PDZD9: variants seen among roughly 807,000 people sequenced by gnomAD.
PDZD9 encodes PDZ domain containing 9.
A neutral mutation model predicts 16.3 loss-of-function variants in PDZD9; 13 were observed. That is an observed-to-expected ratio of 0.80 (90% confidence interval 0.52 to 1.27). The LOEUF (loss-of-function observed/expected upper bound fraction) is 1.27. PDZD9 is among the 50% of genes most tolerant of loss of function. The pLI is 0.00. For missense variants in PDZD9, 288 were observed against 310.9 expected (o/e 0.93, Z 0.55); for synonymous variants, 120 against 111.0 (o/e 1.08, Z -0.51).
intron 3 of PDZD9, among the ~76,000 whole-genome samples, chr16:21,987,578 C>CA (rs1458841665): frequency 3.9e-5 from 6 of 152,050 alleles, no homozygotes; most frequent in African/African-American, 1.4e-4. Context: ...AGTGTGGTGT[C>CA]ACAGAAGCCT....
the PDZD9 span, among the ~76,000 whole-genome samples, chr16:21,964,620 C>A: frequency 1.3e-5 from 2 of 152,110 alleles, no homozygotes; most frequent in East Asian, 3.8e-4. Flanking sequence ...CAAATGATTT[C>A]CCCTGGGAAA....
At chr16:21,958,120 C>T in the PDZD9 span, among the ~76,000 whole-genome samples, 1 of 151,960 alleles carries the variant, frequency 6.6e-6, no homozygotes, top group Non-Finnish European at 1.5e-5. Flanking sequence ...CAGTACTGTC[C>T]CCTAATGTAA....
At chr16:21,971,592 A>G in the PDZD9 span, 1 of 1,614,190 alleles carries the variant, frequency 6.2e-7, no homozygotes, top group Non-Finnish European at 8.5e-7. Flanking sequence ...GGCTTGGTTT[A>G]TCTGGTGCAA....
Position 21,984,478 on chromosome 16 carries a change from G to A in PDZD9, c.584C>T (p.Thr195Ile), listed in dbSNP as rs765940336. Residue 195 changes from threonine to isoleucine, a missense_variant, in exon 4 of 4, where the codon ACT (threonine) becomes ATT (isoleucine). Thr to Ile is a moderately conservative substitution (Grantham distance 89). Transcript: ENST00000424898. Reference sequence around the variant, plus strand: ...ATTAATGTCTTTTCCTACACTAATAGTATGGTTCTTCTTCTTATATCCATG... The same window carrying A: ...ATTAATGTCTTTTCCTACACTAATAATATGGTTCTTCTTCTTATATCCATG... ...DWHGYKKKNHTISVGKDINCD... is the reference protein window; with the variant it reads ...DWHGYKKKNHIISVGKDINCD... The A allele has an allele frequency of 1.2e-5, 19 of 1,612,326 alleles. No individual in the cohort carries two copies. Among genetic ancestry groups the A allele is most frequent in the Non-Finnish European group, 1.6e-5 (19 of 1,178,596 alleles).
chr16:21,962,836 G>C, the PDZD9 span: 4 of 1,613,922 alleles, frequency 2.5e-6, no homozygotes, highest in South Asian at 2.2e-5. Context: ...CTGACCTTCA[G>C]CCTCAGCTAA....
chr16:21,972,185 T>C, the PDZD9 span: 2 of 1,511,810 alleles, frequency 1.3e-6, no homozygotes, highest in East Asian at 2.5e-5. Context: ...AAGATATAAT[T>C]CTGATAATCT....
chr16:22,000,823 CA>C (rs1457556852), intron 1 of PDZD9, among the ~76,000 whole-genome samples, 193 bp downstream of exon 1: 1 of 131,458 alleles, frequency 7.6e-6, no homozygotes, highest in African/African-American at 3.0e-5. Context: ...GACTCCTTCT[CA>C]AATGATGATG....
chr16:21,968,068 C>T, the PDZD9 span, among the ~76,000 whole-genome samples: 16 of 145,176 alleles, frequency 1.1e-4, no homozygotes, highest in African/African-American at 4.1e-4. Flanking sequence ...ATGACACGAT[C>T]TCAGCTCACT....
At chr16:21,984,896 G>A (rs1017534725) in intron 3 of PDZD9, among the ~76,000 whole-genome samples, 1 of 152,006 alleles carries the variant, frequency 6.6e-6, no homozygotes, top group African/African-American at 2.4e-5. Flanking sequence ...AAAAAGTTTT[G>A]CACAGACTTA....
At chr16:21,991,693 T>C (rs915491209) in intron 2 of PDZD9, among the ~76,000 whole-genome samples, 1 of 152,122 alleles carries the variant, frequency 6.6e-6, no homozygotes, top group Admixed American at 6.5e-5. Flanking sequence ...TTTCAGCACA[T>C]AGATAAAAGA....
Position 21,984,591 on chromosome 16 carries a change from ATC to A in PDZD9, c.469_470del (p.Asp157PhefsTer3), listed in dbSNP as rs1419450906. 7 of 1,551,962 alleles carry A rather than the reference ATC, an allele frequency of 4.5e-6. No homozygotes were observed. In the East Asian group the frequency reaches 1.6e-4, roughly 35 times the overall value. ...FTSSDDNENV[D>X]LDKRLQYYRY... The stretch of plus-strand genomic sequence containing the variant: ...TATAATATTGAAGTCTTTTATCTAA[ATC>A]TACATTTTCATTATCATCACTGCTT... On this transcript the variant is annotated frameshift_variant, in exon 4 of 4. Transcript: ENST00000424898. LOFTEE classifies it low-confidence loss of function (END_TRUNC).
chr16:21,971,597 G>C, the PDZD9 span: 1 of 1,614,142 alleles, frequency 6.2e-7, no homozygotes, highest in Admixed American at 1.7e-5. Flanking sequence ...GGTTTATCTG[G>C]TGCAAAGGCC....
chr16:21,980,715 A>C (rs764008040), downstream of PDZD9: 1 of 1,612,094 alleles, frequency 6.2e-7, no homozygotes, highest in South Asian at 1.1e-5. Flanking sequence ...GTAAATGAAA[A>C]CTTAACGATT....
intron 2 of PDZD9, among the ~76,000 whole-genome samples, chr16:21,989,862 A>G (rs1038344811): frequency 2.6e-5 from 4 of 152,074 alleles, no homozygotes; most frequent in Admixed American, 2.0e-4. Flanking sequence ...AAAAAGACCA[A>G]TTTTTCACTT....
intron 1 of PDZD9, 56 bp downstream of exon 1, chr16:22,000,961 A>G (rs1000883863): frequency 2.8e-5 from 43 of 1,512,716 alleles, no homozygotes; most frequent in Non-Finnish European, 3.5e-5. Context: ...GAGGAGGAAC[A>G]TTGACGAAGG....
chr16:21,989,485 A>AC (rs1212438595), intron 2 of PDZD9, among the ~76,000 whole-genome samples: 2 of 152,138 alleles, frequency 1.3e-5, no homozygotes, highest in Non-Finnish European at 2.9e-5. Context: ...AACCACTTAC[A>AC]CTAAGTGGTG....
chr16:21,983,037 G>A, downstream of PDZD9: 1 of 1,515,434 alleles, frequency 6.6e-7, no homozygotes, highest in African/African-American at 1.4e-5. Context: ...CCTGCTTGAT[G>A]ATATATATTT....
At chr16:21,986,150 G>A (rs989007418) in intron 3 of PDZD9, among the ~76,000 whole-genome samples, 1 of 152,128 alleles carries the variant, frequency 6.6e-6, no homozygotes, top group African/African-American at 2.4e-5. Context: ...TCTCCAGTGT[G>A]TATACCCAGT....
chr16:21,984,204 G>T lies in PDZD9; in HGVS notation c.*63C>A. On this transcript the variant is annotated 3_prime_UTR_variant, in exon 4 of 4. Transcript: ENST00000424898. The stretch of plus-strand genomic sequence containing the variant: ...AGTCCTTGATAAGTACAGCAAACTT[G>T]TGCCTGGTGAGGCACAAAACTTGGG... The T allele has an allele frequency of 9.2e-6, 14 of 1,525,280 alleles. No homozygotes were observed. Among genetic ancestry groups the T allele is most frequent in the Non-Finnish European group, 1.2e-5 (14 of 1,128,102 alleles). The allele number at this position is 1,525,280 out of a possible 1,614,324, so 94.5% of individuals were successfully genotyped here. A position where few individuals can be genotyped will look rare whatever the true frequency, so the allele number is the denominator to read the frequency against.
Sources: allele counts gnomAD v4.1 joint callset (sites outside exome capture counted in the v4.1 genomes callset), GRCh38; gene constraint gnomAD v4.1.1; transcripts MANE v1.5; gene names NCBI Gene and HGNC (gene_info 2026-07-23, HGNC 2026-07-21).